CACNA1G: variants seen among roughly 807,000 people sequenced by gnomAD.
CACNA1G encodes voltage-dependent T-type calcium channel subunit alpha-1G.
CACNA1G carries 67 observed loss-of-function variants against 219.4 expected under a neutral mutation model. The observed-to-expected ratio is 0.31, with a 90% CI of 0.25 to 0.37. The LOEUF is 0.37. Ranked by LOEUF, CACNA1G falls within the 10% of genes least tolerant of loss-of-function variation. The pLI is 1.00. For synonymous variants in CACNA1G, 1,296 were observed against 1,345.3 expected (o/e 0.96, Z 0.80); for missense variants, 2,380 against 3,231.4 (o/e 0.74, Z 6.39).
Position 50,602,931 on chromosome 17 carries a change from G to C in CACNA1G, c.3984+43G>C, listed in dbSNP as rs370904102. 1.3e-5 allele frequency: 21 copies of C among 1,612,498 alleles called. No homozygotes were observed. The African/African-American group carries it at 2.4e-4, about 18-fold the overall frequency. On this transcript the variant is annotated intron_variant, in intron 20 of 37. Coordinates refer to ENST00000359106, the MANE Select transcript of CACNA1G (RefSeq NM_018896.5). The stretch of plus-strand genomic sequence containing the variant: ...TGGCTTGGGACCTCTGGTTCCTGGT[G>C]GGGGTGGAGACAGCTTGGGCTGAGG...
In CACNA1G at chr17:50,626,139, T is replaced by C; in HGVS notation, c.6522T>C (p.Ser2174=). 6.2e-7 allele frequency: 1 copy of C among 1,613,670 alleles called. No homozygotes were observed. Among genetic ancestry groups the C allele is most frequent in the Non-Finnish European group, 8.5e-7 (1 of 1,179,828 alleles). The change falls in exon 38 of 38, where the codon AGT becomes AGC. Residue 2174 remains serine (S), a synonymous_variant. Transcript: ENST00000359106. The surrounding 1 kb of genome is among the most constrained non-coding windows in gnomAD (Gnocchi z 4.3). ...ARAYSFWGQS[S]TQAQQHSRSH... ...CCTACTCTTTCTGGGGCCAGTCAAG[T>C]ACCCAGGCACAGCAGCACTCCCGCA...
chr17:50,595,143 G>A (rs906199031), intron 14 of CACNA1G, 82 bp downstream of exon 14: 42 of 1,019,766 alleles, frequency 4.1e-5, no homozygotes, highest in Admixed American at 8.1e-5. Context: ...CTCTGTGCTC[G>A]TGTTCACGCT....
chr17:50,575,474 T>C, intron 7 of CACNA1G, 69 bp from the exon 8 acceptor site: 2 of 1,469,002 alleles, frequency 1.4e-6, no homozygotes, highest in South Asian at 2.7e-5. Context: ...AATGCCTCCG[T>C]ATGTGGTGGC....
intron 9 of CACNA1G, among the ~76,000 whole-genome samples, chr17:50,589,953 G>C (rs2043918845): frequency 6.9e-6 from 1 of 144,538 alleles, no homozygotes; most frequent in Non-Finnish European, 1.5e-5. Flanking sequence ...TGTGTGTCTG[G>C]AAGGAAGCAA....
At position 50,600,768 on chromosome 17, in the gene CACNA1G, C is replaced by G; in HGVS notation, c.3733C>G (p.Pro1245Ala). The change falls in exon 18 of 38, where the codon CCT becomes GCT. Residue 1245 changes from proline to alanine, a missense_variant. By Grantham distance (27) the Pro-to-Ala change is conservative (BLOSUM62 -1). Transcript: ENST00000359106. This position sits in a 1 kb window ranked among gnomAD's most constrained non-coding sequence, Gnocchi z 4.1. The stretch of plus-strand genomic sequence containing the variant: ...CCGCGCGTGGATCCGAGCCCGACTC[C>G]CTGCCTGCTGCCTCGAGCGAGACTC... ...RVRAWIRARL[P>A]ACCLERDSWS... 3 of 1,613,870 alleles carry G rather than the reference C, an allele frequency of 1.9e-6. No individual in the cohort carries two copies. The highest frequency in any genetic ancestry group is 2.5e-6 in the Non-Finnish European group (3 of 1,179,828).
At chr17:50,592,669 T>A (rs1050624118) in intron 13 of CACNA1G, among the ~76,000 whole-genome samples, 1 of 152,226 alleles carries the variant, frequency 6.6e-6, no homozygotes, top group African/African-American at 2.4e-5. Flanking sequence ...TGATTTACAT[T>A]GATCCTGCCC....
chr17:50,602,942 C>A, intron 20 of CACNA1G, 54 bp downstream of exon 20: 1 of 1,609,450 alleles, frequency 6.2e-7, no homozygotes, highest in Non-Finnish European at 8.5e-7. Context: ...GGGGTGGAGA[C>A]AGCTTGGGCT....
intron 9 of CACNA1G, among the ~76,000 whole-genome samples, chr17:50,583,169 G>A (rs2042301052): frequency 6.6e-6 from 1 of 152,156 alleles, no homozygotes; most frequent in Non-Finnish European, 1.5e-5. Context: ...TCCCACCCCA[G>A]CCAGTCCCTT....
chr17:50,569,015 T>TGTGTGTGTGTGTGTGTTGTG, intron 2 of CACNA1G, 34 bp downstream of exon 2: 1 of 1,225,442 alleles, frequency 8.2e-7, no homozygotes, highest in Non-Finnish European at 1.2e-6. Context: ...TGTGTGTGTG[T>TGTGTGTGTGTGTGTGTTGTG]TGTGTGTGTT....
intron 7 of CACNA1G, chr17:50,573,455 G>T: frequency 4.6e-6 from 1 of 218,814 alleles, no homozygotes; most frequent in Non-Finnish European, 9.1e-6. Flanking sequence ...GGGAAAGGGT[G>T]ATTCTGGTTT....
Position 50,624,032 on chromosome 17 carries a change from G to A in CACNA1G, c.6186G>A (p.Gly2062=), listed in dbSNP as rs2052963427. The A allele has an allele frequency of 1.2e-6, 2 of 1,612,658 alleles. No individual in the cohort carries two copies. The highest frequency in any genetic ancestry group is 1.7e-6 in the Non-Finnish European group (2 of 1,179,728). The part of the protein sequence containing the change: ...YMCRHGSTAE[G]PLGHRGWGLP... Reference sequence around the variant, plus strand: ...GTCGGCATGGGAGCACTGCCGAGGGGCCCCTGGGACACAGGGGCTGGGGGC... The same window carrying A: ...GTCGGCATGGGAGCACTGCCGAGGGACCCCTGGGACACAGGGGCTGGGGGC... The change falls in exon 36 of 38, where the codon GGG becomes GGA. Residue 2062 remains glycine (G), a synonymous_variant. Transcript: ENST00000359106.
chr17:50,575,098 A>G (rs2040356686), intron 7 of CACNA1G, among the ~76,000 whole-genome samples: 1 of 152,230 alleles, frequency 6.6e-6, no homozygotes, highest in African/African-American at 2.4e-5. Flanking sequence ...TCAAGGCTCA[A>G]TATAATTTGA....
chr17:50,583,531 G>A (rs547758620), intron 9 of CACNA1G, among the ~76,000 whole-genome samples: 5 of 152,132 alleles, frequency 3.3e-5, no homozygotes, highest in African/African-American at 1.2e-4. Context: ...GCCAAATGCC[G>A]CAAGAGAGGC....
rs966143002 is a variant in CACNA1G at position 50,571,293 on chromosome 17, A to T, written c.587-585A>T. Among the ~76,000 whole-genome samples, 1 of 152,204 alleles carries T rather than the reference A, an allele frequency of 6.6e-6. No individual in the cohort carries two copies. The highest frequency in any genetic ancestry group is 6.5e-5 in the Admixed American group (1 of 15,282). On this transcript the variant is annotated intron_variant, in intron 4 of 37. Transcript: ENST00000359106. The surrounding 1 kb of genome is among the most constrained non-coding windows in gnomAD (Gnocchi z 4.3). ...CCCTGCCTAGGAGCTGGCTCTCAAA[A>T]TGAGATTCCTGCCTGCTGTCATTCC... is the stretch of plus-strand genomic sequence containing the variant.
chr17:50,575,155 C>T (rs1383056914), intron 7 of CACNA1G, among the ~76,000 whole-genome samples: 1 of 152,238 alleles, frequency 6.6e-6, no homozygotes, highest in African/African-American at 2.4e-5. Context: ...GCATTCGCTA[C>T]TCCTAATGGA....
At chr17:50,591,340 C>T (rs2044294996) in intron 10 of CACNA1G, 95 bp from the exon 11 acceptor site, 1 of 1,277,766 alleles carries the variant, frequency 7.8e-7, no homozygotes, top group East Asian at 2.6e-5. Context: ...ACGTGCCCAC[C>T]CAGCCAGGCC....
Position 50,617,775 on chromosome 17 carries a change from C to A in CACNA1G, c.5156-84C>A. 1.3e-6 allele frequency: 2 copies of A among 1,523,846 alleles called. No homozygotes were observed. Among genetic ancestry groups the A allele is most frequent in the South Asian group, 1.1e-5 (1 of 87,636 alleles). The allele number at this position is 1,523,846 out of a possible 1,614,324, so 94.4% of individuals were successfully genotyped here. A position where few individuals can be genotyped will look rare whatever the true frequency, so the allele number is the denominator to read the frequency against. On this transcript the variant is annotated intron_variant, in intron 29 of 37. Transcript: ENST00000359106. The surrounding 1 kb of genome is among the most constrained non-coding windows in gnomAD (Gnocchi z 5.8). ...CCCGGAGATGGCCATCCCAGCAGCC[C>A]CAGCCCAGCCCTGGTCCTGACTCTG... is the stretch of plus-strand genomic sequence containing the variant.
Position 50,571,930 on chromosome 17 carries a change from C to T in CACNA1G, c.639C>T (p.Asn213=), listed in dbSNP as rs377421647. The part of the protein sequence containing the change: ...LLLDTLPMLG[N]VLLLCFFVFF... ...TGGATACGCTGCCCATGCTGGGCAA[C>T]GTCCTGCTGCTCTGCTTCTTCGTCT... Residue 213 remains asparagine, a synonymous_variant, in exon 5 of 38, where the codon AAC becomes AAT. Coordinates refer to ENST00000359106, the MANE Select transcript of CACNA1G (RefSeq NM_018896.5). The surrounding 1 kb of genome is among the most constrained non-coding windows in gnomAD (Gnocchi z 4.3). 6.8e-5 allele frequency: 109 copies of T among 1,613,872 alleles called. No individual in the cohort carries two copies. The highest frequency in any genetic ancestry group is 8.1e-5 in the Non-Finnish European group (96 of 1,179,862).
At position 50,576,316 on chromosome 17, in the gene CACNA1G, A is replaced by T; in HGVS notation, c.1914A>T (p.Thr638=). ...PYSSMHKLLE[T]QSTGACQSSC... ...GCTCCATGCACAAGCTGCTGGAGACACAGAGTACAGGTGAGAACTCTGGGT... is the reference window on the plus strand; with the variant it reads ...GCTCCATGCACAAGCTGCTGGAGACTCAGAGTACAGGTGAGAACTCTGGGT... The change falls in exon 8 of 38, where the codon ACA becomes ACT. Residue 638 remains threonine, a synonymous_variant. Coordinates refer to ENST00000359106, the MANE Select transcript of CACNA1G (RefSeq NM_018896.5). 6.4e-7 allele frequency: 1 copy of T among 1,570,972 alleles called. No individual in the cohort carries two copies. The highest frequency in any genetic ancestry group is 8.6e-7 in the Non-Finnish European group (1 of 1,158,340).
Sources: allele counts gnomAD v4.1 joint callset (sites outside exome capture counted in the v4.1 genomes callset), GRCh38; gene constraint gnomAD v4.1.1; non-coding constraint Gnocchi (gnomAD v3.1); transcripts MANE v1.5; gene names NCBI Gene and HGNC (gene_info 2026-07-23, HGNC 2026-07-21).